The following UCHL1 variants were observed in gnomAD, a reference collection of about 807,000 sequenced individuals.
UCHL1 encodes the protein ubiquitin carboxyl-terminal hydrolase isozyme L1.
Under a neutral mutation model 33.3 loss-of-function variants are expected in UCHL1, and 5 were observed. The observed-to-expected ratio is 0.15, with a 90% CI of 0.08 to 0.32. The LOEUF (loss-of-function observed/expected upper bound fraction) is 0.32, where lower values mean the gene tolerates loss of function less well. UCHL1 is among the 10% of genes least tolerant of loss of function. The probability of loss-of-function intolerance (pLI) is 1.00; values close to 1 mark genes in which losing one functional copy is unlikely to be tolerated. For missense variants in UCHL1, 236 were observed against 280.0 expected (o/e 0.84, Z 1.12); for synonymous variants, 132 against 108.8 (o/e 1.21, Z -1.33).
chr4:41,268,021 G>C lies in UCHL1; in HGVS notation c.620G>C (p.Arg207Pro). 1 of 1,613,654 alleles carries C rather than the reference G, an allele frequency of 6.2e-7. No individual in the cohort carries two copies. The highest frequency in any genetic ancestry group is 8.5e-7 in the Non-Finnish European group (1 of 1,179,856). Residue 207 changes from arginine to proline, a missense_variant, in exon 9 of 9, where the codon CGT (arginine) becomes CCT (proline). By Grantham distance (103) the Arg-to-Pro change is moderately radical. Coordinates refer to ENST00000284440, the MANE Select transcript of UCHL1 (RefSeq NM_004181.5). Reference sequence around the variant, plus strand: ...AAGGTCTGCAGAGAATTCACCGAGCGTGAGCAAGGAGAAGTCCGCTTCTCT... The same window carrying C: ...AAGGTCTGCAGAGAATTCACCGAGCCTGAGCAAGGAGAAGTCCGCTTCTCT... Reference protein sequence around the residue: ...AAKVCREFTEREQGEVRFSAV... With the variant: ...AAKVCREFTEPEQGEVRFSAV...
chr4:41,257,251 G>A, intron 2 of UCHL1, 125 bp downstream of exon 2: 1 of 1,472,162 alleles, frequency 6.8e-7, no homozygotes, highest in South Asian at 1.3e-5. Context: ...CGGCCGGGCT[G>A]GGGCGTGGGC....
intron 8 of UCHL1, among the ~76,000 whole-genome samples, chr4:41,267,276 C>T (rs535053717): frequency 6.6e-6 from 1 of 151,756 alleles, no homozygotes; most frequent in South Asian, 2.1e-4. Flanking sequence ...CGGAGTCTCG[C>T]TCTGTCGCCC....
chr4:41,265,623 C>T (rs964686668), intron 8 of UCHL1, among the ~76,000 whole-genome samples: 1 of 152,128 alleles, frequency 6.6e-6, no homozygotes, highest in African/African-American at 2.4e-5. Context: ...AGTCTGTGTT[C>T]TTAGCCATTG....
chr4:41,261,730 T>C lies in UCHL1; in HGVS notation c.341T>C (p.Leu114Pro). 6.2e-7 allele frequency: 1 copy of C among 1,612,812 alleles called. No homozygotes were observed. Among genetic ancestry groups the C allele is most frequent in the Non-Finnish European group, 8.5e-7 (1 of 1,180,034 alleles). ...DKLGFEDGSV[L>P]KQFLSETEKM... ...TTTTTTTAAGAGGATGGATCAGTTC[T>C]GAAACAGTTTCTTTCTGAAACAGAG... The change falls in exon 5 of 9, where the codon CTG (leucine) becomes CCG (proline). Residue 114 changes from leucine (L) to proline (P), a missense_variant. Physicochemically the swap from Leu to Pro is moderately conservative, Grantham distance 98 (BLOSUM62 -3). Transcript: ENST00000284440.
intron 2 of UCHL1, 78 bp downstream of exon 2, chr4:41,257,204 T>G: frequency 1.9e-6 from 3 of 1,607,440 alleles, no homozygotes; most frequent in Non-Finnish European, 1.7e-6. Context: ...TTCCGGCTGC[T>G]GGCAGGGACC....
In UCHL1 at chr4:41,268,086, G is replaced by C; in HGVS notation, c.*13G>C. On this transcript the variant is annotated 3_prime_UTR_variant, in exon 9 of 9. Transcript: ENST00000284440. ...CAAGGCAGCCTAATGCTCTGTGGGAGGGACTTTGCTGATTTCCCCTCTTCC... is the reference window on the plus strand; with the variant it reads ...CAAGGCAGCCTAATGCTCTGTGGGACGGACTTTGCTGATTTCCCCTCTTCC... 6.2e-7 allele frequency: 1 copy of C among 1,611,320 alleles called. No individual in the cohort carries two copies. The highest frequency in any genetic ancestry group is 8.5e-7 in the Non-Finnish European group (1 of 1,178,488).
At chr4:41,266,207 C>CCA (rs1241230392) in intron 8 of UCHL1, among the ~76,000 whole-genome samples, 9 of 148,852 alleles carry the variant, frequency 6.0e-5, no homozygotes, top group Non-Finnish European at 1.2e-4. Context: ...TAGGCGTGAG[C>CCA]CACAGTACCT....
chr4:41,266,009 C>G (rs1185445385), intron 8 of UCHL1, among the ~76,000 whole-genome samples: 1 of 152,170 alleles, frequency 6.6e-6, no homozygotes, highest in Non-Finnish European at 1.5e-5. Context: ...TAACACTGCA[C>G]TAATACCATA....
Position 41,257,732 on chromosome 4 carries a change from GC to G in UCHL1, c.172del (p.Gln58SerfsTer13). ...GCTGCTGCTGCTGTTTCCCCTCACG[GC>G]CCAGGTAGGGCGTGGGGCCCAGGAT... ...CALLLLFPLT[A>X]QHENFRKKQI... On this transcript the variant is annotated frameshift_variant, in exon 3 of 9. Transcript: ENST00000284440. LOFTEE classifies it high-confidence loss of function. 6.3e-7 allele frequency: 1 copy of G among 1,576,460 alleles called. No homozygotes were observed. The highest frequency in any genetic ancestry group is 8.6e-7 in the Non-Finnish European group (1 of 1,165,692).
At position 41,260,674 on chromosome 4, in the gene UCHL1, G is replaced by A; in HGVS notation, c.202G>A (p.Glu68Lys). ...QHENFRKKQI[E>K]ELKGQEVSPK... ...TGAGAACTTCAGGAAAAAGCAGATT[G>A]AAGAGCTGAAGGGACAAGAAGTTAG... Residue 68 changes from glutamate (E) to lysine (K), a missense_variant, in exon 4 of 9, where the codon GAA (glutamate) becomes AAA (lysine). Physicochemically the swap from Glu to Lys is moderately conservative, Grantham distance 56. Coordinates refer to ENST00000284440, the MANE Select transcript of UCHL1 (RefSeq NM_004181.5). 6.2e-7 allele frequency: 1 copy of A among 1,614,226 alleles called. No individual in the cohort carries two copies. The highest frequency in any genetic ancestry group is 1.1e-5 in the South Asian group (1 of 91,078).
chr4:41,262,057 C>G, intron 6 of UCHL1, 134 bp downstream of exon 6: 1 of 1,272,192 alleles, frequency 7.9e-7, no homozygotes, highest in Non-Finnish European at 1.1e-6. Flanking sequence ...AAAGTTCTAC[C>G]CAAATAATGC....
chr4:41,257,838 G>A, intron 3 of UCHL1, 101 bp downstream of exon 3: 29 of 1,454,822 alleles, frequency 2.0e-5, no homozygotes, highest in Non-Finnish European at 2.6e-5. Context: ...CCCTGTAGGT[G>A]ATGCGGGGCG....
chr4:41,263,210 C>A lies in UCHL1; in HGVS notation c.460-15C>A. On this transcript the variant is annotated splice_polypyrimidine_tract_variant and intron_variant, in intron 6 of 8. Coordinates refer to ENST00000284440, the MANE Select transcript of UCHL1 (RefSeq NM_004181.5). ...AGCTTACACTCATTTTCAAAAATTT[C>A]TTGACTTTCTTTAGGTAGATGACAA... 1 of 1,611,714 alleles carries A rather than the reference C, an allele frequency of 6.2e-7. No individual in the cohort carries two copies. The highest frequency in any genetic ancestry group is 8.5e-7 in the Non-Finnish European group (1 of 1,177,958).
intron 3 of UCHL1, among the ~76,000 whole-genome samples, chr4:41,259,171 T>A (rs1781031422): frequency 6.6e-6 from 1 of 152,248 alleles, no homozygotes; most frequent in South Asian, 2.1e-4. Context: ...CCTATTCTGC[T>A]ACACAGAATG....
intron 8 of UCHL1, among the ~76,000 whole-genome samples, chr4:41,266,226 C>CGTTTTT (rs1554005212): frequency 5.1e-5 from 7 of 136,778 alleles, no homozygotes; most frequent in Admixed American, 1.4e-4. Context: ...CTGGCTAAAA[C>CGTTTTT]TTTTTTTTTT....
intron 3 of UCHL1, among the ~76,000 whole-genome samples, chr4:41,258,352 C>T (rs574267123): frequency 6.6e-6 from 1 of 152,350 alleles, no homozygotes; most frequent in African/African-American, 2.4e-5. Flanking sequence ...AACCTCCTTC[C>T]TCTTCACTTA....
At chr4:41,260,868 T>C (rs1038500319) in intron 4 of UCHL1, 71 bp downstream of exon 4, 3 of 1,608,798 alleles carry the variant, frequency 1.9e-6, no homozygotes, top group Admixed American at 1.7e-5. Context: ...ACAGCTGTTT[T>C]CCCGAGGTCA....
Position 41,264,114 on chromosome 4 carries a change from C to T in UCHL1, c.538C>T (p.Pro180Ser). 3.1e-6 allele frequency: 5 copies of T among 1,614,196 alleles called. No individual in the cohort carries two copies. Among genetic ancestry groups the T allele is most frequent in the Non-Finnish European group, 3.4e-6 (4 of 1,180,036 alleles). The change falls in exon 8 of 9, where the codon CCT becomes TCT. Residue 180 changes from proline to serine, a missense_variant. Coordinates refer to ENST00000284440, the MANE Select transcript of UCHL1 (RefSeq NM_004181.5). The stretch of plus-strand genomic sequence containing the variant: ...CTTCTTTGTTACAGATGGACGAATG[C>T]CTTTTCCGGTGAACCATGGCGCCAG... ...GHLYELDGRM[P>S]FPVNHGASSE...
chr4:41,265,273 CTG>C (rs375494825), intron 8 of UCHL1, among the ~76,000 whole-genome samples: 6 of 152,348 alleles, frequency 3.9e-5, no homozygotes, highest in African/African-American at 1.2e-4. Flanking sequence ...ACATGGCAAA[CTG>C]TGATTCAAAC....
Sources: gnomAD v4.1 joint callset for allele counts (sites outside exome capture counted in the v4.1 genomes callset) on GRCh38, gnomAD v4.1.1 for gene constraint, MANE v1.5 for transcripts, NCBI Gene and HGNC (gene_info 2026-07-23, HGNC 2026-07-21) for gene names.